UBE4B: variants seen among roughly 807,000 people sequenced by gnomAD.
The protein encoded by UBE4B is ubiquitination factor E4B.
UBE4B carries 27 observed loss-of-function variants against 148.1 expected under a neutral mutation model. The observed-to-expected ratio is 0.18, with a 90% confidence interval of 0.13 to 0.25. The LOEUF (loss-of-function observed/expected upper bound fraction) is 0.25. UBE4B is among the 10% of genes least tolerant of loss of function. The pLI, the probability that UBE4B is intolerant of heterozygous loss-of-function variation, is 1.00. For missense variants in UBE4B, 1,170 were observed against 1,662.4 expected, an observed-to-expected ratio of 0.70 and a Z score of 5.15; for synonymous variants, 596 against 619.3, an observed-to-expected ratio of 0.96 and a Z score of 0.56.
At chr1:10,175,510 GCGT>G (rs1477791407) in intron 25 of UBE4B, among the ~76,000 whole-genome samples, 24 of 149,822 alleles carry the variant, frequency 1.6e-4, no homozygotes, top group Non-Finnish European at 3.0e-4. Context: ...AATTAGCCAG[GCGT>G]GGTGGCGGGC....
At chr1:10,053,532 G>A (rs567417027) in intron 1 of UBE4B, among the ~76,000 whole-genome samples, 10 of 152,170 alleles carry the variant, frequency 6.6e-5, no homozygotes, top group African/African-American at 2.4e-4. Flanking sequence ...AAGTTCTGGG[G>A]TATATGGGCT....
At position 10,122,081 on chromosome 1, in the gene UBE4B, G is replaced by A; in HGVS notation, c.1554+5G>A. 3.1e-6 allele frequency: 5 copies of A among 1,594,606 alleles called. No individual in the cohort carries two copies. Among genetic ancestry groups the A allele is most frequent in the South Asian group, 1.1e-5 (1 of 88,794 alleles). ...GATGAAGAAGTGTTCAAGCAGGTAC[G>A]GTCGTATGAGTTTGCTCTTGCAAAT... is the stretch of plus-strand genomic sequence containing the variant. On this transcript the variant is annotated splice_donor_5th_base_variant and intron_variant, in intron 10 of 27. Coordinates refer to ENST00000343090, the MANE Select transcript of UBE4B (RefSeq NM_001105562.3).
chr1:10,063,921 A>AG (rs1179185161), intron 1 of UBE4B, among the ~76,000 whole-genome samples: 3 of 152,094 alleles, frequency 2.0e-5, no homozygotes, highest in African/African-American at 7.2e-5. Flanking sequence ...AAAAAAAAAA[A>AG]AAAGAAAAGT....
chr1:10,048,454 G>T (rs1297775465), intron 1 of UBE4B, among the ~76,000 whole-genome samples: 1 of 152,128 alleles, frequency 6.6e-6, no homozygotes, highest in African/African-American at 2.4e-5. Context: ...TTTACCTAGA[G>T]AGTGAGCATA....
At position 10,162,948 on chromosome 1, in the gene UBE4B, A is replaced by G. The variant is rs190663754; in HGVS notation, c.3198+1662A>G. On this transcript the variant is annotated intron_variant, in intron 23 of 27. Transcript: ENST00000343090. The stretch of plus-strand genomic sequence containing the variant: ...TACTCCCTCAGGTTTGTCTTCGCCA[A>G]TCAGCATAGCTGAAAATTCTCACCT... 6.9e-4 allele frequency among the ~76,000 whole-genome samples: 105 copies of G among 152,298 alleles called. 1 individual carries two copies. The highest frequency in any genetic ancestry group is 6.3e-3 in the Admixed American group (96 of 15,282).
At position 10,033,744 on chromosome 1, in the gene UBE4B, G is replaced by T. The variant is rs1446748030; in HGVS notation, c.24+50G>T. ...AGGGATTAGTTGGCAACTCGTTAGC[G>T]CTTTGGACAGGGATGGTATTGCGCC... On this transcript the variant is annotated intron_variant, in intron 1 of 27. Transcript: ENST00000343090. 3 of 1,512,186 alleles carry T rather than the reference G, an allele frequency of 2.0e-6. No individual in the cohort carries two copies. The African/African-American group carries it at 4.3e-5, about 22-fold the overall frequency. 93.7% of individuals were successfully genotyped at this position (1,512,186 alleles called of 1,614,324 possible).
chr1:10,093,084 T>C (rs1430547687), intron 2 of UBE4B, among the ~76,000 whole-genome samples: 2 of 152,098 alleles, frequency 1.3e-5, no homozygotes, highest in African/African-American at 2.4e-5. Flanking sequence ...ATTGTACACA[T>C]ACTATACTAT....
intron 17 of UBE4B, among the ~76,000 whole-genome samples, 155 bp downstream of exon 17, chr1:10,137,360 A>T (rs1184835790): frequency 6.6e-6 from 1 of 152,200 alleles, no homozygotes; most frequent in African/African-American, 2.4e-5. Flanking sequence ...CATGTTGCTC[A>T]GTTGTCCAGA....
Position 10,106,434 on chromosome 1 carries a change from C to G in UBE4B, c.1047C>G (p.Ser349Arg). Residue 349 changes from serine (S) to arginine (R), a missense_variant, in exon 7 of 28, where the codon AGC becomes AGG. Around this residue, in one of 6 missense-constraint regions of UBE4B, gnomAD observed 214 missense variants for 209.1 expected, o/e 1.02. Transcript: ENST00000343090. This position sits in a 1 kb window ranked among gnomAD's most constrained non-coding sequence, Gnocchi z 4.2. ...CCTCAGGCGTCTCCATTCTGTCGAG[C>G]TCCCCAAGTCCCCCTGCCCTCGCCA... ...WASSGVSILSSSPSPPALASS... is the reference protein window; with the variant it reads ...WASSGVSILSRSPSPPALASS... The G allele has an allele frequency of 6.2e-7, 1 of 1,613,792 alleles. No homozygotes were observed. The highest frequency in any genetic ancestry group is 8.5e-7 in the Non-Finnish European group (1 of 1,179,862).
chr1:10,061,405 C>T (rs571897027), intron 1 of UBE4B, among the ~76,000 whole-genome samples: 3 of 152,276 alleles, frequency 2.0e-5, no homozygotes, highest in South Asian at 2.1e-4. Flanking sequence ...CAGGCATGCA[C>T]CACCACGCCC....
intron 5 of UBE4B, among the ~76,000 whole-genome samples, chr1:10,103,632 G>GTTTTTTTTTTTTTTTTT (rs1186811301): frequency 9.4e-6 from 1 of 106,510 alleles, no homozygotes; most frequent in Non-Finnish European, 2.0e-5. Flanking sequence ...TTTTGTTTTT[G>GTTTTTTTTTTTTTTTTT]TTTTTTTTTT....
intron 1 of UBE4B, among the ~76,000 whole-genome samples, chr1:10,058,028 T>A (rs1261416694): frequency 6.6e-6 from 1 of 152,136 alleles, no homozygotes; most frequent in Non-Finnish European, 1.5e-5. Flanking sequence ...AAAGGGTCTC[T>A]GTTACAATTA....
chr1:10,074,446 C>A (rs1346316636), intron 2 of UBE4B, among the ~76,000 whole-genome samples: 1 of 152,080 alleles, frequency 6.6e-6, no homozygotes, highest in African/African-American at 2.4e-5. Context: ...GCTTCTCCCC[C>A]ACATCTCTGC....
At chr1:10,063,922 A>G (rs1644335892) in intron 1 of UBE4B, among the ~76,000 whole-genome samples, 1 of 152,008 alleles carries the variant, frequency 6.6e-6, no homozygotes, top group Non-Finnish European at 1.5e-5. Context: ...AAAAAAAAAA[A>G]AAGAAAAGTA....
chr1:10,169,593 C>T (rs1646308262), intron 24 of UBE4B, among the ~76,000 whole-genome samples: 1 of 152,220 alleles, frequency 6.6e-6, no homozygotes, highest in Admixed American at 6.5e-5. Context: ...ACACTGGCCT[C>T]CCTTCAAGGT....
At chr1:10,098,960 G>A (rs1331480284) in intron 3 of UBE4B, among the ~76,000 whole-genome samples, 1 of 152,070 alleles carries the variant, frequency 6.6e-6, no homozygotes, top group African/African-American at 2.4e-5. Context: ...CATGTTGGCT[G>A]GGCACAGTGG....
intron 19 of UBE4B, among the ~76,000 whole-genome samples, 185 bp from the exon 20 acceptor site, chr1:10,148,999 C>A (rs949625179): frequency 6.6e-6 from 1 of 152,106 alleles, no homozygotes; most frequent in African/African-American, 2.4e-5. Flanking sequence ...CTTGCATATG[C>A]ACTGTCTTCA....
At position 10,130,566 on chromosome 1, in the gene UBE4B, C is replaced by A; in HGVS notation, c.1762C>A (p.Leu588Ile). Residue 588 changes from leucine to isoleucine, a missense_variant, in exon 13 of 28, where the codon CTC (leucine) becomes ATC (isoleucine). Transcript: ENST00000343090. Reference protein sequence around the residue: ...SPGCGRELQRLSYLGAFFSFS... With the variant: ...SPGCGRELQRISYLGAFFSFS... ...TGGCTGTGGGCGGGAGCTGCAGAGA[C>A]TCTCTTACTTAGGGGCTTTCTTTAG... 1 of 1,614,192 alleles carries A rather than the reference C, an allele frequency of 6.2e-7. No homozygotes were observed. The highest frequency in any genetic ancestry group is 8.5e-7 in the Non-Finnish European group (1 of 1,180,046).
Position 10,095,547 on chromosome 1 carries a change from C to T in UBE4B, c.298C>T (p.Leu100Phe), listed in dbSNP as rs1195688490. Residue 100 changes from leucine to phenylalanine, a missense_variant, in exon 3 of 28, where the codon CTC (leucine) becomes TTC (phenylalanine). Physicochemically the swap from Leu to Phe is conservative, Grantham distance 22. Coordinates refer to ENST00000343090, the MANE Select transcript of UBE4B (RefSeq NM_001105562.3). Reference sequence around the variant, plus strand: ...TAGCCTTGAAACGCAATCTCAGTCTCTCTCACGTTCCCAGAGCATGGATAT... The same window carrying T: ...TAGCCTTGAAACGCAATCTCAGTCTTTCTCACGTTCCCAGAGCATGGATAT... ...SNSLETQSQS[L>F]SRSQSMDIDG... The T allele has an allele frequency of 6.2e-7, 1 of 1,614,160 alleles. No homozygotes were observed. Among genetic ancestry groups the T allele is most frequent in the African/African-American group, 1.3e-5 (1 of 75,036 alleles).
Sources: allele counts gnomAD v4.1 joint callset (sites outside exome capture counted in the v4.1 genomes callset), GRCh38; gene constraint gnomAD v4.1.1; regional missense constraint gnomAD v4.1.1; non-coding constraint Gnocchi (gnomAD v3.1); transcripts MANE v1.5; gene names NCBI Gene and HGNC (gene_info 2026-07-23, HGNC 2026-07-21).